Variants in CHRDL1 observed in about 807,000 individuals in gnomAD.
CHRDL1 encodes the protein chordin like 1, also known as chordin-like protein 1.
Under a neutral mutation model 40.9 loss-of-function variants are expected in CHRDL1, and 19 were observed. The ratio of observed to expected loss-of-function variants is 0.46; its 90% CI spans 0.32 to 0.68. The LOEUF (loss-of-function observed/expected upper bound fraction) is 0.68. Ranked by LOEUF, CHRDL1 falls within the 30% of genes least tolerant of loss-of-function variation. The pLI is 0.03. For missense variants in CHRDL1, 329 were observed against 352.1 expected (o/e 0.93, Z 0.53); for synonymous variants, 136 against 123.4 (o/e 1.10, Z -0.68).
rs765757313 is a variant in CHRDL1 at position 110,694,244 on chromosome X, G to T, written c.697C>A (p.Arg233=). 8.3e-7 allele frequency: 1 copy of T among 1,208,318 alleles called. No individual in the cohort carries two copies. Among genetic ancestry groups the T allele is most frequent in the Admixed American group, 2.2e-5 (1 of 46,019 alleles). The change falls in exon 8 of 12, where the codon CGG becomes AGG. Residue 233 remains arginine, a synonymous_variant. Coordinates refer to ENST00000372042, the MANE Select transcript of CHRDL1 (RefSeq NM_001143981.2). ...TGCTGGGAATCCATAAGAGCTCCCC[G>T]GTGACTTCTGGCCCCAGGAAAGCGG... The part of the protein sequence containing the change: ...LSRFPGARSH[R]GALMDSQQAS...
chrX:110,689,749 A>C (rs1382870420), intron 8 of CHRDL1, among the ~76,000 whole-genome samples: 1 of 57,894 alleles, frequency 1.7e-5, no homozygotes, highest in Admixed American at 2.5e-4. Flanking sequence ...ATATATATCT[A>C]TATATCTATA....
chrX:110,784,159 T>C (rs1250602361), intron 2 of CHRDL1, among the ~76,000 whole-genome samples: 2 of 111,808 alleles, frequency 1.8e-5, no homozygotes, highest in African/African-American at 6.5e-5. Flanking sequence ...TGAAGCAGAA[T>C]GTAGGAAGGG....
Position 110,694,205 on chromosome X carries a change from T to C in CHRDL1, c.736A>G (p.Ile246Val), listed in dbSNP as rs760305817. ...LMDSQQASGT[I>V]VQIVINNKHK... ...TTGTTATTGATGACAATTTGCACAA[T>C]GGTTCCTGATGCTTGCTGGGAATCC... Residue 246 changes from isoleucine (I) to valine (V), a missense_variant, in exon 8 of 12, where the codon ATT (isoleucine) becomes GTT (valine). Physicochemically the swap from Ile to Val is conservative, Grantham distance 29 (BLOSUM62 3). Transcript: ENST00000372042. 7.4e-5 allele frequency: 90 copies of C among 1,208,615 alleles called. No individual in the cohort carries two copies. Among genetic ancestry groups the C allele is most frequent in the Admixed American group, 5.2e-4 (24 of 45,780 alleles).
chrX:110,711,102 T>C (rs1004666313), intron 6 of CHRDL1, among the ~76,000 whole-genome samples: 24 of 112,011 alleles, frequency 2.1e-4, no homozygotes, highest in African/African-American at 6.5e-4. Flanking sequence ...ATAGTCATTT[T>C]ACTATATTGG....
intron 6 of CHRDL1, among the ~76,000 whole-genome samples, chrX:110,702,426 C>T (rs935703849): frequency 2.7e-5 from 3 of 112,037 alleles, no homozygotes; most frequent in Admixed American, 9.5e-5. Flanking sequence ...GTATAGAGGA[C>T]GTCAAGCATA....
intron 4 of CHRDL1, among the ~76,000 whole-genome samples, chrX:110,753,377 A>G (rs1265731724): frequency 1.8e-5 from 2 of 112,113 alleles, no homozygotes; most frequent in African/African-American, 6.5e-5. Context: ...AAGTAGATTC[A>G]TGGTTACCAG....
At chrX:110,714,758 C>T (rs780398160) in intron 6 of CHRDL1, among the ~76,000 whole-genome samples, 1 of 111,582 alleles carries the variant, frequency 9.0e-6, no homozygotes, top group South Asian at 3.8e-4. Flanking sequence ...TATTTCAATG[C>T]CCTTTATATG....
At position 110,721,378 on chromosome X, in the gene CHRDL1, G is replaced by A. The variant is rs1371367710; in HGVS notation, c.447+7C>T. 8.3e-7 allele frequency: 1 copy of A among 1,208,820 alleles called. No individual in the cohort carries two copies. The highest frequency in any genetic ancestry group is 1.8e-5 in the South Asian group (1 of 56,910). ...CCTAGCAGGAATGTTAAGATGTAGG[G>A]TCTTACCGAACAGCTGCACTGGGTG... is the stretch of plus-strand genomic sequence containing the variant. On this transcript the variant is annotated splice_region_variant and intron_variant, in intron 5 of 11. Coordinates refer to ENST00000372042, the MANE Select transcript of CHRDL1 (RefSeq NM_001143981.2).
chrX:110,694,429 G>T, intron 7 of CHRDL1, 98 bp from the exon 8 acceptor site: 1 of 631,975 alleles, frequency 1.6e-6, no homozygotes, highest in Non-Finnish European at 2.4e-6. Flanking sequence ...TTGATTTATA[G>T]TGGTGAGCTC....
rs1324565726 is a variant in CHRDL1 at position 110,722,575 on chromosome X, T to G, written c.302-1045A>C. Among the ~76,000 whole-genome samples the G allele has an allele frequency of 3.6e-5, 4 of 112,432 alleles. No homozygotes were observed. In the East Asian group the frequency reaches 1.1e-3, roughly 31 times the overall value. ...TGAAACTCATATTTGTGAATTATAG[T>G]AACCCAGCAGACCATTTACAAAGAG... On this transcript the variant is annotated intron_variant, in intron 4 of 11. Transcript: ENST00000372042.
intron 6 of CHRDL1, among the ~76,000 whole-genome samples, chrX:110,703,681 T>C (rs1398837689): frequency 1.8e-5 from 2 of 111,818 alleles, no homozygotes; most frequent in African/African-American, 3.2e-5. Context: ...GAAATACACA[T>C]GCTTAGGAGA....
intron 8 of CHRDL1, among the ~76,000 whole-genome samples, chrX:110,689,260 T>C (rs1405035564): frequency 1.0e-5 from 1 of 97,059 alleles, no homozygotes; most frequent in Non-Finnish European, 2.0e-5. Flanking sequence ...CGTGCTTTTT[T>C]TTTTTTTTTT....
intron 2 of CHRDL1, among the ~76,000 whole-genome samples, chrX:110,788,963 C>T (rs1342511248): frequency 9.0e-6 from 1 of 111,115 alleles, no homozygotes; most frequent in Admixed American, 9.6e-5. Flanking sequence ...GAAAGACCTT[C>T]CTAGGAATAA....
intron 2 of CHRDL1, among the ~76,000 whole-genome samples, chrX:110,784,091 T>C (rs892516334): frequency 2.7e-5 from 3 of 112,055 alleles, no homozygotes; most frequent in Admixed American, 1.9e-4. Flanking sequence ...AAAAGGCTAC[T>C]AGAAGAGTGA....
chrX:110,793,818 G>C (rs899212015), intron 1 of CHRDL1, among the ~76,000 whole-genome samples: 1 of 111,860 alleles, frequency 8.9e-6, no homozygotes, highest in South Asian at 3.7e-4. Flanking sequence ...ATGGTTGGGC[G>C]ATTCGGTGAA....
At position 110,676,313 on chromosome X, in the gene CHRDL1, C is replaced by A; in HGVS notation, c.1295G>T (p.Cys432Phe). The A allele has an allele frequency of 8.3e-7, 1 of 1,209,381 alleles. No homozygotes were observed. The highest frequency in any genetic ancestry group is 1.1e-6 in the Non-Finnish European group (1 of 893,438). ...TEGEAQISQM[C>F]SSRVCRTELE... ...CTCTGTTCTGCATACACGACTTGAACACATCTGGCTGATCTGAGCTTCTCC... is the reference window on the plus strand; with the variant it reads ...CTCTGTTCTGCATACACGACTTGAAAACATCTGGCTGATCTGAGCTTCTCC... The change falls in exon 12 of 12, where the codon TGT becomes TTT. Residue 432 changes from cysteine to phenylalanine, a missense_variant. Transcript: ENST00000372042.
intron 6 of CHRDL1, among the ~76,000 whole-genome samples, chrX:110,715,339 G>C (rs1290843324): frequency 9.0e-6 from 1 of 111,539 alleles, no homozygotes; most frequent in Non-Finnish European, 1.9e-5. Flanking sequence ...ATCAAAGATA[G>C]AGGAGAAGGT....
intron 2 of CHRDL1, among the ~76,000 whole-genome samples, chrX:110,771,131 C>A (rs1196505819): frequency 1.0e-5 from 1 of 99,297 alleles, no homozygotes; most frequent in East Asian, 3.1e-4. Context: ...GGTAACAGAG[C>A]AAGACTCTGT....
intron 4 of CHRDL1, 38 bp downstream of exon 4, chrX:110,759,623 G>T: frequency 2.1e-6 from 2 of 956,721 alleles, no homozygotes; most frequent in Non-Finnish European, 3.0e-6. Context: ...GGGAAATGGA[G>T]AACCACAGCT....
Sources: gnomAD v4.1 joint callset for allele counts (sites outside exome capture counted in the v4.1 genomes callset) on GRCh38, gnomAD v4.1.1 for gene constraint, MANE v1.5 for transcripts, NCBI Gene and HGNC (gene_info 2026-07-23, HGNC 2026-07-21) for gene names.